CNOT1: variants seen among roughly 807,000 people sequenced by gnomAD.
The protein encoded by CNOT1 is CCR4-NOT transcription complex subunit 1, also known as CCR4-associated factor 1.
Under a neutral mutation model 273.8 loss-of-function variants are expected in CNOT1, and 15 were observed. The observed-to-expected ratio is 0.05, with a 90% confidence interval of 0.04 to 0.08. CNOT1 has a LOEUF of 0.08. Among genes scored for constraint, CNOT1 ranks in the 10% least tolerant of loss-of-function variants. CNOT1 has a pLI of 1.00. For synonymous variants in CNOT1, 1,022 were observed against 1,005.5 expected (o/e 1.02, Z -0.31); for missense variants, 1,644 against 2,912.2 (o/e 0.56, Z 10.02).
At position 58,581,510 on chromosome 16, in the gene CNOT1, T is replaced by G; in HGVS notation, c.1050A>C (p.Pro350=). 6.2e-7 allele frequency: 1 copy of G among 1,610,776 alleles called. No homozygotes were observed. The highest frequency in any genetic ancestry group is 8.5e-7 in the Non-Finnish European group (1 of 1,178,882). The change falls in exon 11 of 49, where the codon CCA becomes CCC. Residue 350 remains proline, a synonymous_variant. Coordinates refer to ENST00000317147, the MANE Select transcript of CNOT1 (RefSeq NM_016284.5). ...VLIDVLKELN[P]SLNFKEVTYE... is the part of the protein sequence containing the mutation. ...AAGTTACTTCCTTGAAATTCAAACT[T>G]GGATTCTAAAAAAGACCAAAGCAGT...
At chr16:58,533,838 C>G (rs2039850926) in intron 40 of CNOT1, among the ~76,000 whole-genome samples, 1 of 151,954 alleles carries the variant, frequency 6.6e-6, no homozygotes, top group Non-Finnish European at 1.5e-5. Flanking sequence ...TAAAAAGAAA[C>G]CACTGATGTG....
intron 2 of CNOT1, chr16:58,597,552 A>G: frequency 3.7e-6 from 1 of 270,044 alleles, no homozygotes; most frequent in East Asian, 1.2e-4. Context: ...AAAGTTGAGA[A>G]TGAATGTAAA....
chr16:58,602,962 T>C (rs548374069), intron 1 of CNOT1, among the ~76,000 whole-genome samples: 18 of 152,286 alleles, frequency 1.2e-4, no homozygotes, highest in Admixed American at 9.2e-4. Flanking sequence ...TCTCAGTTGA[T>C]GCTAGTTTCA....
intron 39 of CNOT1, among the ~76,000 whole-genome samples, chr16:58,535,970 G>A (rs959560598): frequency 6.6e-6 from 1 of 152,198 alleles, no homozygotes. Flanking sequence ...TCCTGACCTC[G>A]TGATCCGCCT....
chr16:58,626,819 A>AT (rs1224984143), intron 1 of CNOT1, among the ~76,000 whole-genome samples: 2 of 151,922 alleles, frequency 1.3e-5, no homozygotes, highest in African/African-American at 2.4e-5. Flanking sequence ...CATAACAAAT[A>AT]TTTTGCAAAA....
chr16:58,574,368 C>T (rs149074300), intron 16 of CNOT1, among the ~76,000 whole-genome samples: 1 of 151,340 alleles, frequency 6.6e-6, no homozygotes, highest in East Asian at 1.9e-4. Context: ...TCAACAAATG[C>T]TGCTGGAACA....
chr16:58,523,393 T>C lies in CNOT1; in HGVS notation c.6894A>G (p.Glu2298=), dbSNP rs1283919795. 3.1e-6 allele frequency: 5 copies of C among 1,612,398 alleles called. No homozygotes were observed. In the South Asian group the frequency reaches 5.5e-5, roughly 18 times the overall value. The change falls in exon 47 of 49, where the codon GAA becomes GAG. Residue 2298 remains glutamate (E), a synonymous_variant. Coordinates refer to ENST00000317147, the MANE Select transcript of CNOT1 (RefSeq NM_016284.5). ...ACCTTGTGATCTGTTCTTGGATGGC[T>C]TCCGTATTGGCCTCTGCAAAAAGGT... is the stretch of plus-strand genomic sequence containing the variant. The part of the protein sequence containing the change: ...MLYLFAEANT[E]AIQEQITRVL...
chr16:58,555,655 A>C, intron 20 of CNOT1, 118 bp from the exon 21 acceptor site: 5 of 1,539,492 alleles, frequency 3.2e-6, no homozygotes, highest in Non-Finnish European at 4.3e-6. Context: ...GCTTGAGACA[A>C]ATATTAAGGT....
At chr16:58,531,476 C>T (rs552562261) in intron 42 of CNOT1, among the ~76,000 whole-genome samples, 39 of 151,310 alleles carry the variant, frequency 2.6e-4, no homozygotes, top group Non-Finnish European at 5.2e-4. Context: ...AGTCCTCAAC[C>T]TTAGTTTGAG....
At chr16:58,556,348 T>C (rs1459281888) in intron 19 of CNOT1, among the ~76,000 whole-genome samples, 1 of 152,208 alleles carries the variant, frequency 6.6e-6, no homozygotes, top group Non-Finnish European at 1.5e-5. Context: ...CGTTATCAAG[T>C]CAGCTGGAAT....
chr16:58,580,028 G>C (rs746142177), intron 12 of CNOT1, among the ~76,000 whole-genome samples: 2 of 152,108 alleles, frequency 1.3e-5, no homozygotes, highest in African/African-American at 4.8e-5. Context: ...TTGCCAACAT[G>C]GTAAAACCTC....
At chr16:58,545,205 C>A (rs1299559799) in intron 30 of CNOT1, among the ~76,000 whole-genome samples, 156 bp downstream of exon 30, 1 of 152,220 alleles carries the variant, frequency 6.6e-6, no homozygotes, top group Non-Finnish European at 1.5e-5. Flanking sequence ...ACAATCCCAA[C>A]TGAACTACAC....
At position 58,536,983 on chromosome 16, in the gene CNOT1, C is replaced by T. The variant is rs748138462; in HGVS notation, c.5646+6G>A. 26 of 1,613,656 alleles carry T rather than the reference C, an allele frequency of 1.6e-5. No homozygotes were observed. Among genetic ancestry groups the T allele is most frequent in the Non-Finnish European group, 2.1e-5 (25 of 1,179,854 alleles). On this transcript the variant is annotated splice_donor_region_variant and intron_variant, in intron 39 of 48. Coordinates refer to ENST00000317147, the MANE Select transcript of CNOT1 (RefSeq NM_016284.5). The stretch of plus-strand genomic sequence containing the variant: ...TAAAAAGCACCTTTCTTTCCAAAAG[C>T]TCTACCTGTCCAACAAATGCAGAGA...
At chr16:58,625,425 T>A (rs1209066792) in intron 1 of CNOT1, among the ~76,000 whole-genome samples, 2 of 152,106 alleles carry the variant, frequency 1.3e-5, no homozygotes, top group Non-Finnish European at 2.9e-5. Context: ...GGCAGGAGAA[T>A]CACTTGAACC....
chr16:58,585,608 A>G, intron 7 of CNOT1, 102 bp from the exon 8 acceptor site: 1 of 1,469,122 alleles, frequency 6.8e-7, no homozygotes, highest in Non-Finnish European at 9.0e-7. Flanking sequence ...TCACAAGTTC[A>G]TATTCAAAGC....
At position 58,538,198 on chromosome 16, in the gene CNOT1, T is replaced by C. The variant is rs1476588851; in HGVS notation, c.5204A>G (p.His1735Arg). The C allele has an allele frequency of 2.6e-6, 4 of 1,527,258 alleles. No homozygotes were observed. Among genetic ancestry groups the C allele is most frequent in the Non-Finnish European group, 3.6e-6 (4 of 1,100,660 alleles). The allele number at this position is 1,527,258 out of a possible 1,614,324, so 94.6% of individuals were successfully genotyped here. A position where few individuals can be genotyped will look rare whatever the true frequency, so the allele number is the denominator to read the frequency against. Residue 1735 changes from histidine to arginine, a missense_variant, in exon 37 of 49, where the codon CAT (histidine) becomes CGT (arginine). By Grantham distance (29) the His-to-Arg change is conservative. This residue lies in a region of CNOT1 where 170 missense variants were observed against 273.1 expected (regional missense o/e 0.62). Coordinates refer to ENST00000317147, the MANE Select transcript of CNOT1 (RefSeq NM_016284.5). ...VEAVELLIRN[H>R]LVNMQQYDLH... is the part of the protein sequence containing the mutation. ...ATCATACTGCTGCATATTAACCAAA[T>C]GATTGCGAATTAGCAGCTCCACAGC...
chr16:58,543,260 T>C (rs772062381), intron 31 of CNOT1: 202 of 1,543,800 alleles, frequency 1.3e-4, no homozygotes, highest in Admixed American at 3.1e-4. Flanking sequence ...TAAGTCATTT[T>C]GTATCGGCCT....
intron 1 of CNOT1, among the ~76,000 whole-genome samples, chr16:58,600,174 G>A (rs774577833): frequency 7.3e-5 from 11 of 151,704 alleles, no homozygotes; most frequent in Non-Finnish European, 1.3e-4. Context: ...GTGAAACCCC[G>A]TCTCTACTCA....
chr16:58,618,745 G>A (rs1463020615), intron 1 of CNOT1, among the ~76,000 whole-genome samples: 1 of 151,480 alleles, frequency 6.6e-6, no homozygotes, highest in African/African-American at 2.4e-5. Context: ...AACCTCAAAC[G>A]GCACATTACC....
Sources: gnomAD v4.1 joint callset for allele counts (sites outside exome capture counted in the v4.1 genomes callset) on GRCh38, gnomAD v4.1.1 for gene constraint, gnomAD v4.1.1 regional missense constraint, MANE v1.5 for transcripts, NCBI Gene and HGNC (gene_info 2026-07-23, HGNC 2026-07-21) for gene names.